AFF3: variants seen among roughly 807,000 people sequenced by gnomAD.
AFF3 encodes the protein AF4/FMR2 family member 3.
Under a neutral mutation model 129.7 loss-of-function variants are expected in AFF3, and 32 were observed. That is an observed-to-expected ratio of 0.25 (90% CI 0.19 to 0.33). The LOEUF is 0.33. Among genes scored for constraint, AFF3 ranks in the 10% least tolerant of loss-of-function variants. AFF3 has a pLI of 1.00. For missense variants in AFF3, 1,373 were observed against 1,592.0 expected (o/e 0.86, Z 2.34); for synonymous variants, 644 against 635.4 (o/e 1.01, Z -0.20).
At chr2:99,865,288 C>G (rs563171666) in intron 7 of AFF3, among the ~76,000 whole-genome samples, 2 of 152,324 alleles carry the variant, frequency 1.3e-5, no homozygotes, top group East Asian at 3.9e-4. Flanking sequence ...AATGAGACAG[C>G]TTCTTTGAGT....
Position 99,674,324 on chromosome 2 carries a change from T to C in AFF3, c.1092-1735A>G, listed in dbSNP as rs1057063906. On this transcript the variant is annotated intron_variant, in intron 11 of 24. Transcript: ENST00000672756. Reference sequence around the variant, plus strand: ...CTCTTGGTGATTTATTAGAGCACTGTTTGGGAGTAGCCTAGGGAAGTGGGC... The same window carrying C: ...CTCTTGGTGATTTATTAGAGCACTGCTTGGGAGTAGCCTAGGGAAGTGGGC... Among the ~76,000 whole-genome samples, 29 of 152,192 alleles carry C rather than the reference T, an allele frequency of 1.9e-4. 1 individual carries two copies. Among genetic ancestry groups the C allele is most frequent in the Admixed American group, 1.8e-3 (28 of 15,282 alleles).
intron 8 of AFF3, among the ~76,000 whole-genome samples, chr2:99,805,030 C>T (rs1217212150): frequency 2.0e-5 from 3 of 152,144 alleles, no homozygotes; most frequent in Non-Finnish European, 2.9e-5. Flanking sequence ...GACTCCATCA[C>T]TACACAATGC....
At position 99,550,941 on chromosome 2, in the gene AFF3, C is replaced by T. The variant is rs1674361108; in HGVS notation, c.*533G>A. Reference sequence around the variant, plus strand: ...TATTCAATTACCCATTAATACATACCAATCAAAAAATAATTGGGGAATAGT... The same window carrying T: ...TATTCAATTACCCATTAATACATACTAATCAAAAAATAATTGGGGAATAGT... On this transcript the variant is annotated 3_prime_UTR_variant, in exon 25 of 25. Coordinates refer to ENST00000672756, the MANE Select transcript of AFF3 (RefSeq NM_001386135.1). The T allele has an allele frequency of 6.4e-6, 2 of 310,852 alleles. No individual in the cohort carries two copies. Among genetic ancestry groups the T allele is most frequent in the Non-Finnish European group, 1.2e-5 (2 of 170,558 alleles). The allele number at this position is 310,852 out of a possible 1,614,324, so 19.3% of individuals were successfully genotyped here.
intron 7 of AFF3, among the ~76,000 whole-genome samples, chr2:99,904,199 T>A (rs966571629): frequency 6.6e-6 from 1 of 152,116 alleles, no homozygotes; most frequent in Non-Finnish European, 1.5e-5. Flanking sequence ...GCTGGGCCTG[T>A]CAGGTCTGAG....
chr2:100,054,444 T>C (rs1686603988), intron 4 of AFF3, among the ~76,000 whole-genome samples: 1 of 152,218 alleles, frequency 6.6e-6, no homozygotes, highest in Non-Finnish European at 1.5e-5. Context: ...AGACCCCTCC[T>C]AGATATAAGG....
chr2:99,724,257 G>C (rs1679159512), intron 11 of AFF3, among the ~76,000 whole-genome samples: 1 of 69,432 alleles, frequency 1.4e-5, no homozygotes, highest in Non-Finnish European at 2.7e-5. Flanking sequence ...CCTCACTTCA[G>C]TGGAATGACC....
At chr2:99,716,394 C>T (rs938622352) in intron 11 of AFF3, among the ~76,000 whole-genome samples, 1 of 152,114 alleles carries the variant, frequency 6.6e-6, no homozygotes, top group Non-Finnish European at 1.5e-5. Flanking sequence ...CAAATCTTGG[C>T]TTTGCCACTT....
chr2:100,070,057 G>C (rs58683655), intron 4 of AFF3, among the ~76,000 whole-genome samples: 22,009 of 152,146 alleles, frequency 0.14, 1,921 homozygotes, highest in East Asian at 0.28. Flanking sequence ...TTGTGAAGTT[G>C]CTTCTACACA....
chr2:99,892,062 T>A (rs1282480403), intron 7 of AFF3, among the ~76,000 whole-genome samples: 2 of 152,064 alleles, frequency 1.3e-5, no homozygotes, highest in African/African-American at 2.4e-5. Context: ...GACCTCGTGA[T>A]CCGCCCGCCT....
At chr2:99,573,168 G>A (rs1676662086) in intron 18 of AFF3, among the ~76,000 whole-genome samples, 1 of 152,162 alleles carries the variant, frequency 6.6e-6, no homozygotes, top group Admixed American at 6.5e-5. Flanking sequence ...CCCTAAAGAT[G>A]ATTGGACAGC....
intron 13 of AFF3, among the ~76,000 whole-genome samples, chr2:99,623,047 G>A (rs1020425688): frequency 1.3e-5 from 2 of 152,110 alleles, no homozygotes; most frequent in African/African-American, 4.8e-5. Flanking sequence ...CAGGAGGAAG[G>A]TATTTAGTCA....
At chr2:99,861,052 T>A (rs573020220) in intron 7 of AFF3, among the ~76,000 whole-genome samples, 22 of 152,296 alleles carry the variant, frequency 1.4e-4, no homozygotes, top group African/African-American at 5.3e-4. Context: ...AATTTAGTGA[T>A]TCTCTCCTTT....
intron 8 of AFF3, among the ~76,000 whole-genome samples, chr2:99,833,065 C>T (rs1159276208): frequency 6.6e-6 from 1 of 152,158 alleles, no homozygotes; most frequent in Admixed American, 6.5e-5. Context: ...CTCTACCTTC[C>T]AGTAGGCAGA....
chr2:99,770,303 A>T (rs1333579699), intron 8 of AFF3, among the ~76,000 whole-genome samples: 2 of 152,120 alleles, frequency 1.3e-5, no homozygotes, highest in African/African-American at 4.8e-5. Context: ...GCCACTGCCG[A>T]TGTTAACTTA....
chr2:99,723,115 A>G (rs959976338), intron 11 of AFF3, among the ~76,000 whole-genome samples: 1 of 152,190 alleles, frequency 6.6e-6, no homozygotes, highest in Non-Finnish European at 1.5e-5. Context: ...CATCATTAAT[A>G]TAACTGGAAG....
intron 1 of AFF3, among the ~76,000 whole-genome samples, chr2:100,137,676 T>C (rs1455434665): frequency 1.3e-5 from 2 of 152,188 alleles, no homozygotes; most frequent in Non-Finnish European, 2.9e-5. Flanking sequence ...ATTTCAGAGC[T>C]GGGCAGACTG....
intron 10 of AFF3, among the ~76,000 whole-genome samples, chr2:99,732,481 T>C (rs181109665): frequency 6.6e-6 from 1 of 152,086 alleles, no homozygotes; most frequent in African/African-American, 2.4e-5. Context: ...CTAAACTTCA[T>C]ACGACTCTAA....
At chr2:100,016,119 AATGGTGATGGTG>A (rs1484076635) in intron 4 of AFF3, among the ~76,000 whole-genome samples, 2 of 121,318 alleles carry the variant, frequency 1.6e-5, no homozygotes, top group South Asian at 2.9e-4. Context: ...TGGTGGTAGC[AATGGTGATGGTG>A]GTGGTGATGG....
chr2:99,590,482 C>T (rs1056081533), intron 15 of AFF3, among the ~76,000 whole-genome samples: 1 of 152,174 alleles, frequency 6.6e-6, no homozygotes, highest in Non-Finnish European at 1.5e-5. Context: ...GTGATGCACA[C>T]CACTATGGTC....
Sources: gnomAD v4.1 joint callset for allele counts (sites outside exome capture counted in the v4.1 genomes callset) on GRCh38, gnomAD v4.1.1 for gene constraint, MANE v1.5 for transcripts, NCBI Gene and HGNC (gene_info 2026-07-23, HGNC 2026-07-21) for gene names.